The following TNNI3K variants were observed in gnomAD, a reference collection of about 807,000 sequenced individuals.
The protein encoded by TNNI3K is serine/threonine-protein kinase TNNI3K.
A neutral mutation model predicts 114.5 loss-of-function variants in TNNI3K; 140 were observed. The ratio of observed to expected loss-of-function variants is 1.22; its 90% confidence interval spans 1.07 to 1.41. The LOEUF (loss-of-function observed/expected upper bound fraction) is 1.41. Among genes scored for constraint, TNNI3K ranks in the 40% most tolerant of loss-of-function variants. The pLI is 0.00. For missense variants in TNNI3K, 1,125 were observed against 1,007.6 expected (o/e 1.12, Z -1.58); for synonymous variants, 347 against 347.5 (o/e 1.00, Z 0.02).
At chr1:74,292,722 T>C (rs1211293981) in intron 5 of TNNI3K, among the ~76,000 whole-genome samples, 1 of 151,626 alleles carries the variant, frequency 6.6e-6, no homozygotes, top group Non-Finnish European at 1.5e-5. Flanking sequence ...AAGGTCTTAA[T>C]TGTGTCCTTC....
At chr1:74,266,913 C>T (rs524252) in intron 4 of TNNI3K, among the ~76,000 whole-genome samples, 27,371 of 151,808 alleles carry the variant, frequency 0.18, 2,708 homozygotes, top group African/African-American at 0.26. Context: ...ATAGCTGGAG[C>T]GCTTTTTTGT....
chr1:74,387,103 G>A (rs1663523763), intron 17 of TNNI3K, among the ~76,000 whole-genome samples: 1 of 152,116 alleles, frequency 6.6e-6, no homozygotes, highest in South Asian at 2.1e-4. Context: ...CTGAAAGAAA[G>A]CTGTAATTGT....
chr1:74,265,431 G>A (rs1169916643), intron 4 of TNNI3K, among the ~76,000 whole-genome samples: 1 of 151,884 alleles, frequency 6.6e-6, no homozygotes, highest in African/African-American at 2.4e-5. Flanking sequence ...CTGGGAGTAA[G>A]GTCCACCCTG....
At chr1:74,280,107 G>A (rs1209128522) in intron 5 of TNNI3K, among the ~76,000 whole-genome samples, 2 of 152,222 alleles carry the variant, frequency 1.3e-5, no homozygotes, top group Non-Finnish European at 2.9e-5. Flanking sequence ...TGAAGGCTGG[G>A]TGCGGTGGCT....
At chr1:74,277,743 A>G (rs1656770474) in intron 5 of TNNI3K, among the ~76,000 whole-genome samples, 1 of 152,236 alleles carries the variant, frequency 6.6e-6, no homozygotes, top group South Asian at 2.1e-4. Context: ...TGCAGCAAAC[A>G]TGTAAACCAA....
chr1:74,529,275 G>A (rs1158216042), intron 23 of TNNI3K, among the ~76,000 whole-genome samples: 2 of 152,132 alleles, frequency 1.3e-5, no homozygotes, highest in Non-Finnish European at 2.9e-5. Flanking sequence ...AAATCAAAAT[G>A]TGATGGGACA....
intron 5 of TNNI3K, among the ~76,000 whole-genome samples, chr1:74,328,715 AGTGCAAAC>A (rs929474916): frequency 3.9e-5 from 6 of 152,092 alleles, no homozygotes; most frequent in Non-Finnish European, 5.9e-5. Flanking sequence ...TAACTGGAGA[AGTGCAAAC>A]TTAGGAGGAA....
chr1:74,363,341 C>G (rs1267364141), intron 11 of TNNI3K, among the ~76,000 whole-genome samples: 2 of 151,984 alleles, frequency 1.3e-5, no homozygotes, highest in African/African-American at 4.8e-5. Flanking sequence ...GGAAATCAGG[C>G]AGAGATGCCT....
chr1:74,455,587 C>T (rs564068538), intron 20 of TNNI3K, among the ~76,000 whole-genome samples: 1 of 152,298 alleles, frequency 6.6e-6, no homozygotes, highest in South Asian at 2.1e-4. Context: ...ATGCTCTCCA[C>T]TAACCAGAGA....
At chr1:74,258,398 A>G (rs919491566) in intron 4 of TNNI3K, among the ~76,000 whole-genome samples, 2 of 152,206 alleles carry the variant, frequency 1.3e-5, no homozygotes, top group Admixed American at 1.3e-4. Context: ...AAAGTATTTC[A>G]GGCAGAAAAC....
At chr1:74,343,207 A>G (rs201294631) in intron 9 of TNNI3K, 28 bp downstream of exon 9, 6 of 1,585,600 alleles carry the variant, frequency 3.8e-6, no homozygotes, top group African/African-American at 1.4e-5. Context: ...TGCAATAGCC[A>G]CTAAACTTAG....
chr1:74,250,566 T>A (rs1654863472), intron 3 of TNNI3K, 106 bp from the exon 4 acceptor site: 4 of 1,022,284 alleles, frequency 3.9e-6, no homozygotes, highest in Non-Finnish European at 5.4e-6. Flanking sequence ...AGAACGCAGC[T>A]TGACATTTTT....
intron 18 of TNNI3K, 121 bp from the exon 19 acceptor site, chr1:74,436,353 G>A: frequency 8.0e-7 from 1 of 1,255,928 alleles, no homozygotes; most frequent in Non-Finnish European, 1.1e-6. Flanking sequence ...CCAGCCAAGA[G>A]AAGGGAAGTG....
chr1:74,257,439 T>C (rs1655384637), intron 4 of TNNI3K, among the ~76,000 whole-genome samples: 1 of 152,172 alleles, frequency 6.6e-6, no homozygotes, highest in Admixed American at 6.5e-5. Context: ...CATATATCAA[T>C]TAATTTTTTA....
intron 20 of TNNI3K, among the ~76,000 whole-genome samples, chr1:74,444,979 A>G (rs888078410): frequency 1.3e-5 from 2 of 152,308 alleles, no homozygotes; most frequent in South Asian, 2.1e-4. Flanking sequence ...CTGGCTAGCC[A>G]TATGCAGAAA....
chr1:74,480,730 C>A (rs1369207146), intron 21 of TNNI3K: 1 of 717,360 alleles, frequency 1.4e-6, no homozygotes, highest in Admixed American at 2.0e-5. Context: ...CCAGTACCTG[C>A]AGGCTGTGAA....
In TNNI3K at chr1:74,431,347, T is replaced by G. The variant is rs183678277; in HGVS notation, c.1773-4733T>G. 4.2e-3 allele frequency among the ~76,000 whole-genome samples: 641 copies of G among 152,232 alleles called. 2 individuals carry two copies. The highest frequency in any genetic ancestry group is 6.0e-3 in the Non-Finnish European group (409 of 67,988). On this transcript the variant is annotated intron_variant, in intron 17 of 24. Coordinates refer to ENST00000326637, the MANE Select transcript of TNNI3K (RefSeq NM_015978.3). ...TTTTCTACTTGGTTAATGATCTTTT[T>G]TATAATAAATTCTTACATTCACTAT...
intron 17 of TNNI3K, among the ~76,000 whole-genome samples, chr1:74,401,415 C>T (rs1664358042): frequency 6.6e-6 from 1 of 152,092 alleles, no homozygotes; most frequent in African/African-American, 2.4e-5. Flanking sequence ...GGTATTGAAT[C>T]TTTAATAACA....
chr1:74,417,505 T>G lies in TNNI3K; in HGVS notation c.1773-18575T>G, dbSNP rs146687902. Among the ~76,000 whole-genome samples the G allele has an allele frequency of 5.3e-5, 8 of 152,210 alleles. No individual in the cohort carries two copies. The East Asian group carries it at 1.5e-3, about 29-fold the overall frequency. ...AATCTCTTCTTCTCTCTGTTCTTCA[T>G]AGGAGTCTCAAGTATCTCTCAGCCT... On this transcript the variant is annotated intron_variant, in intron 17 of 24. Coordinates refer to ENST00000326637, the MANE Select transcript of TNNI3K (RefSeq NM_015978.3).
Sources: allele counts gnomAD v4.1 joint callset (sites outside exome capture counted in the v4.1 genomes callset), GRCh38; gene constraint gnomAD v4.1.1; transcripts MANE v1.5; gene names NCBI Gene and HGNC (gene_info 2026-07-23, HGNC 2026-07-21).